Variants in FGFR1 observed in about 807,000 individuals in gnomAD.
The protein encoded by FGFR1 is fibroblast growth factor receptor 1, also known as FGFR1/PLAG1 fusion.
In FGFR1, 18 loss-of-function variants were observed where a neutral mutation model predicts 93.7. The observed-to-expected ratio is 0.19, with a 90% confidence interval of 0.13 to 0.28. The LOEUF is 0.28. Among genes scored for constraint, FGFR1 ranks in the 10% least tolerant of loss-of-function variants. The pLI is 1.00. For synonymous variants in FGFR1, 448 were observed against 429.3 expected, an observed-to-expected ratio of 1.04 and a Z score of -0.54; for missense variants, 731 against 1,080.4, an observed-to-expected ratio of 0.68 and a Z score of 4.53.
chr8:38,445,931 A>G (rs563933217), intron 2 of FGFR1, among the ~76,000 whole-genome samples: 2 of 152,258 alleles, frequency 1.3e-5, no homozygotes, highest in African/African-American at 4.8e-5. Context: ...TAAGGTTCAA[A>G]AGCTACTTCC....
At chr8:38,440,249 C>G (rs990998174) in intron 2 of FGFR1, 2 of 1,500,008 alleles carry the variant, frequency 1.3e-6, no homozygotes, top group Non-Finnish European at 1.8e-6. Context: ...TCCGGGGGCC[C>G]TCTGCAGAGG....
chr8:38,450,141 T>A (rs143868297), intron 2 of FGFR1, among the ~76,000 whole-genome samples: 1 of 152,334 alleles, frequency 6.6e-6, no homozygotes, highest in East Asian at 1.9e-4. Flanking sequence ...GGTAGGGCAG[T>A]TAGCTTTCAG....
At chr8:38,454,150 C>T (rs1335814871) in intron 2 of FGFR1, among the ~76,000 whole-genome samples, 1 of 152,104 alleles carries the variant, frequency 6.6e-6, no homozygotes, top group Non-Finnish European at 1.5e-5. Flanking sequence ...TCAAGATCTT[C>T]AGCCCCCAGG....
chr8:38,422,327 C>G, intron 7 of FGFR1: 2 of 446,102 alleles, frequency 4.5e-6, no homozygotes, highest in African/African-American at 2.0e-5. Context: ...GCTGCAGACA[C>G]ACACATGCAC....
intron 2 of FGFR1, 78 bp downstream of exon 2, chr8:38,457,278 G>A (rs1204637679): frequency 1.3e-6 from 2 of 1,511,852 alleles, no homozygotes; most frequent in South Asian, 2.3e-5. Flanking sequence ...CACATCACCT[G>A]CAACCATATC....
intron 2 of FGFR1, among the ~76,000 whole-genome samples, chr8:38,456,447 T>G (rs1430502239): frequency 6.6e-6 from 1 of 152,164 alleles, no homozygotes; most frequent in African/African-American, 2.4e-5. Flanking sequence ...TTATGCTTCC[T>G]GGGTCTCAAT....
At chr8:38,459,000 A>G (rs1163722701) in intron 1 of FGFR1, 2 of 225,108 alleles carry the variant, frequency 8.9e-6, no homozygotes, top group African/African-American at 2.2e-5. Context: ...GCAAGCACTG[A>G]GTCAAAGATG....
At chr8:38,428,149 C>T (rs2150922729) in intron 4 of FGFR1, 56 bp from the exon 5 acceptor site, 1 of 1,610,692 alleles carries the variant, frequency 6.2e-7, no homozygotes. Context: ...GCTGGTCAGG[C>T]TCAGGAGCAG....
intron 2 of FGFR1, among the ~76,000 whole-genome samples, chr8:38,450,352 G>GA (rs1830657056): frequency 6.6e-6 from 1 of 152,194 alleles, no homozygotes. Flanking sequence ...AGGGAAGGAA[G>GA]AAAGAGGCAA....
In FGFR1 at chr8:38,419,784, T is replaced by C. The variant is rs1366126174; in HGVS notation, c.1082-49A>G. 2.0e-6 allele frequency: 3 copies of C among 1,533,370 alleles called. No individual in the cohort carries two copies. In the Admixed American group the frequency reaches 5.1e-5, roughly 26 times the overall value. The allele number at this position is 1,533,370 out of a possible 1,614,324, so 95.0% of individuals were successfully genotyped here. On this transcript the variant is annotated intron_variant, in intron 8 of 17. Transcript: ENST00000447712. ...TAGCAGGCTTGGAGGGCCCCGTCCA[T>C]GCGAGGTCCCGCTCCATTAGAAAAG...
intron 2 of FGFR1, among the ~76,000 whole-genome samples, chr8:38,441,764 G>A (rs561293484): frequency 1.3e-5 from 2 of 152,356 alleles, no homozygotes; most frequent in South Asian, 4.1e-4. Flanking sequence ...AGGGAAGGAA[G>A]CCAAGGACAC....
intron 2 of FGFR1, among the ~76,000 whole-genome samples, chr8:38,436,383 A>G (rs918547631): frequency 6.6e-6 from 1 of 151,982 alleles, no homozygotes; most frequent in African/African-American, 2.4e-5. Context: ...CAACAACAAA[A>G]AAAGTGCATT....
intron 8 of FGFR1, chr8:38,419,953 G>T: frequency 1.7e-6 from 1 of 579,246 alleles, no homozygotes; most frequent in Non-Finnish European, 3.1e-6. Flanking sequence ...CCATGGAAAA[G>T]GGATGGCCTA....
intron 2 of FGFR1, among the ~76,000 whole-genome samples, chr8:38,431,644 G>A (rs1363466224): frequency 2.6e-5 from 4 of 152,106 alleles, no homozygotes; most frequent in African/African-American, 7.2e-5. Flanking sequence ...ACTGACAGTG[G>A]TTTCTCTTGG....
chr8:38,419,283 G>A (rs992418248), intron 9 of FGFR1, among the ~76,000 whole-genome samples: 3 of 152,138 alleles, frequency 2.0e-5, no homozygotes, highest in African/African-American at 7.2e-5. Flanking sequence ...GTCCAAATAG[G>A]ACTTCCTCCC....
intron 1 of FGFR1, among the ~76,000 whole-genome samples, chr8:38,464,596 C>T (rs142949363): frequency 9.1e-4 from 139 of 152,276 alleles, no homozygotes; most frequent in African/African-American, 3.1e-3. Context: ...ACATTTCATC[C>T]TCTCTGGAAA....
intron 2 of FGFR1, among the ~76,000 whole-genome samples, chr8:38,441,260 T>C (rs1432656175): frequency 1.3e-5 from 2 of 152,210 alleles, no homozygotes; most frequent in Non-Finnish European, 2.9e-5. Context: ...CACGGATTCA[T>C]CTGATGCCTC....
intron 7 of FGFR1, 26 bp from the exon 8 acceptor site, chr8:38,421,967 G>A (rs1818969670): frequency 1.2e-6 from 2 of 1,613,702 alleles, no homozygotes; most frequent in African/African-American, 1.3e-5. Context: ...GAAGCAAAAT[G>A]GACAAGCACA....
chr8:38,459,742 G>A (rs1352419610), intron 1 of FGFR1, among the ~76,000 whole-genome samples: 3 of 152,180 alleles, frequency 2.0e-5, no homozygotes, highest in African/African-American at 7.2e-5. Context: ...GGATATTAGA[G>A]AACAGGGTGG....
Sources: allele counts gnomAD v4.1 joint callset (sites outside exome capture counted in the v4.1 genomes callset), GRCh38; gene constraint gnomAD v4.1.1; transcripts MANE v1.5; gene names NCBI Gene and HGNC (gene_info 2026-07-23, HGNC 2026-07-21).